The following TCTN1 variants were observed in gnomAD, a reference collection of about 807,000 sequenced individuals.
TCTN1 encodes the protein tectonic-1.
In TCTN1, 58 loss-of-function variants were observed where a neutral mutation model predicts 65.8. The observed-to-expected ratio is 0.88, with a 90% CI of 0.71 to 1.10. The LOEUF is 1.10. TCTN1 is among the 50% of genes least tolerant of loss of function. TCTN1 has a pLI of 0.00. For missense variants in TCTN1, 645 were observed against 719.4 expected, an observed-to-expected ratio of 0.90 and a Z score of 1.18; for synonymous variants, 273 against 289.1, an observed-to-expected ratio of 0.94 and a Z score of 0.57.
rs780494395 is a variant in TCTN1, at chr12:110,626,444, C to T, written c.424C>T (p.Leu142Phe). The change falls in exon 3 of 15, where the codon CTT becomes TTT. Residue 142 changes from leucine (L) to phenylalanine (F), a missense_variant. By Grantham distance (22) the Leu-to-Phe change is conservative. Coordinates refer to ENST00000397659, the MANE Select transcript of TCTN1 (RefSeq NM_001082538.3). ...AAACCCACCTCAAAGAGTATTTGAA[C>T]TTGTTGACCAGATTAATCCATCTAT... is the stretch of plus-strand genomic sequence containing the variant. Reference protein sequence around the residue: ...TANPPQRVFELVDQINPSIFC... With the variant: ...TANPPQRVFEFVDQINPSIFC... 1.1e-5 allele frequency: 17 copies of T among 1,611,840 alleles called. No homozygotes were observed. Among genetic ancestry groups the T allele is most frequent in the Non-Finnish European group, 1.4e-5 (17 of 1,178,724 alleles).
At chr12:110,623,293 G>C (rs1011658019) in intron 2 of TCTN1, among the ~76,000 whole-genome samples, 1 of 152,134 alleles carries the variant, frequency 6.6e-6, no homozygotes, top group African/African-American at 2.4e-5. Flanking sequence ...ACCCAGCCTT[G>C]GCCATTGCCG....
At chr12:110,617,833 G>T (rs959339471) in intron 1 of TCTN1, among the ~76,000 whole-genome samples, 2 of 151,684 alleles carry the variant, frequency 1.3e-5, no homozygotes, top group African/African-American at 4.8e-5. Context: ...TAGAGACGGG[G>T]TTTTACCATG....
At chr12:110,636,124 G>T in intron 6 of TCTN1, 1 of 265,074 alleles carries the variant, frequency 3.8e-6, no homozygotes, top group Non-Finnish European at 7.4e-6. Context: ...AGCAAGGACA[G>T]GTGCAGTGAG....
At chr12:110,617,191 A>C (rs940071619) in intron 1 of TCTN1, among the ~76,000 whole-genome samples, 2 of 152,170 alleles carry the variant, frequency 1.3e-5, no homozygotes, top group Non-Finnish European at 2.9e-5. Context: ...TTTACTAGGC[A>C]CATAGAAGAG....
At chr12:110,630,867 C>T (rs1045650773) in intron 4 of TCTN1, among the ~76,000 whole-genome samples, 1 of 152,182 alleles carries the variant, frequency 6.6e-6, no homozygotes, top group East Asian at 1.9e-4. Context: ...TCATGCACCC[C>T]CCTGGGAGGG....
At position 110,636,478 on chromosome 12, in the gene TCTN1, T is replaced by A. The variant is rs757410579; in HGVS notation, c.823-3T>A. The A allele has an allele frequency of 6.6e-6, 9 of 1,372,382 alleles. No homozygotes were observed. The Admixed American group carries it at 7.0e-5, about 11-fold the overall frequency. 85.0% of individuals were successfully genotyped at this position (1,372,382 alleles called of 1,614,324 possible). A position where few individuals can be genotyped will look rare whatever the true frequency, so the allele number is the denominator to read the frequency against. ...CAATTTTTTGTGGTTTCTTTTTATC[T>A]AGGTACCTGATTCAAGAAAAAAGGT... On this transcript the variant is annotated splice_region_variant and splice_polypyrimidine_tract_variant and intron_variant, in intron 6 of 14. Transcript: ENST00000397659.
Position 110,641,626 on chromosome 12 carries a change from G to A in TCTN1, c.1189G>A (p.Gly397Arg), listed in dbSNP as rs1417325310. The A allele has an allele frequency of 6.2e-7, 1 of 1,614,016 alleles. No homozygotes were observed. The highest frequency in any genetic ancestry group is 8.5e-7 in the Non-Finnish European group (1 of 1,179,852). ...PLAAGFQPHK[G>R]SGIIQTTNRY... ...AGCTGCTGGATTCCAGCCTCATAAG[G>A]GATATCCTTTTTGGTTCTGTAGAGG... Residue 397 changes from glycine (G) to arginine (R), a missense_variant and splice_region_variant, in exon 10 of 15, where the codon GGG (glycine) becomes AGG (arginine). Coordinates refer to ENST00000397659, the MANE Select transcript of TCTN1 (RefSeq NM_001082538.3).
intron 2 of TCTN1, among the ~76,000 whole-genome samples, chr12:110,622,713 G>C (rs1234578946): frequency 1.3e-5 from 2 of 152,102 alleles, no homozygotes. Context: ...AAAGAGATCA[G>C]GGGTCAGGTC....
At chr12:110,618,886 G>C (rs2065229385) in intron 1 of TCTN1, among the ~76,000 whole-genome samples, 1 of 151,932 alleles carries the variant, frequency 6.6e-6, no homozygotes, top group African/African-American at 2.4e-5. Flanking sequence ...ATGATTAAAA[G>C]TTGACCAGGA....
rs2066859422 is a variant in TCTN1, at chr12:110,640,226, C to T, written c.844-157C>T. On this transcript the variant is annotated intron_variant, in intron 7 of 14. Transcript: ENST00000397659. This position sits in a 1 kb window ranked among gnomAD's most constrained non-coding sequence, Gnocchi z 4.9. ...TTTGTGAATGTATATATGTTTATTA[C>T]TTTTGCAAATGTGGATCATAGTATA... is the stretch of plus-strand genomic sequence containing the variant. 5.9e-6 allele frequency: 5 copies of T among 849,178 alleles called. No individual in the cohort carries two copies. Among genetic ancestry groups the T allele is most frequent in the Non-Finnish European group, 9.5e-6 (5 of 524,314 alleles). The allele number at this position is 849,178 out of a possible 1,614,324, so 52.6% of individuals were successfully genotyped here.
At chr12:110,628,022 C>T in intron 3 of TCTN1, 1 of 1,534,982 alleles carries the variant, frequency 6.5e-7, no homozygotes, top group African/African-American at 1.4e-5. Flanking sequence ...AACATGCCAG[C>T]CTGCTTCCTT....
chr12:110,626,632 T>A, intron 3 of TCTN1, 140 bp downstream of exon 3: 16 of 860,596 alleles, frequency 1.9e-5, no homozygotes, highest in Non-Finnish European at 2.6e-5. Context: ...CAGGCTGGCG[T>A]GCAGTGGCGC....
At chr12:110,645,850 C>T (rs145089542) in intron 12 of TCTN1, 2 of 153,034 alleles carry the variant, frequency 1.3e-5, no homozygotes, top group African/African-American at 4.8e-5. Context: ...TCATTATCCG[C>T]TCCGAATATT....
At position 110,614,370 on chromosome 12, in the gene TCTN1, C is replaced by T. The variant is rs757132285; in HGVS notation, c.188C>T (p.Ser63Phe). The change falls in exon 1 of 15, where the codon TCC becomes TTC. Residue 63 changes from serine to phenylalanine, a missense_variant. Transcript: ENST00000397659. Reference sequence around the variant, plus strand: ...GGGACTCCCAGGGCTCCAGGGCCCTCCTCCGGCCCCAGGCCTACCCCAGTC... The same window carrying T: ...GGGACTCCCAGGGCTCCAGGGCCCTTCTCCGGCCCCAGGCCTACCCCAGTC... ...PPGTPRAPGP[S>F]SGPRPTPVTD... 1.9e-6 allele frequency: 3 copies of T among 1,605,212 alleles called. No individual in the cohort carries two copies. The highest frequency in any genetic ancestry group is 2.7e-5 in the African/African-American group (2 of 74,962).
chr12:110,634,528 AAAC>A, intron 5 of TCTN1, 139 bp from the exon 6 acceptor site: 1 of 731,942 alleles, frequency 1.4e-6, no homozygotes, highest in Non-Finnish European at 2.3e-6. Context: ...AAAACAAAAC[AAAC>A]AACAACAAAA....
At position 110,645,049 on chromosome 12, in the gene TCTN1, GC is replaced by G. The variant is rs757348545; in HGVS notation, c.1418del (p.Pro473LeufsTer42). The G allele has an allele frequency of 5.8e-5, 94 of 1,614,064 alleles. No individual in the cohort carries two copies. The highest frequency in any genetic ancestry group is 7.8e-5 in the Non-Finnish European group (92 of 1,180,030). On this transcript the variant is annotated frameshift_variant, in exon 12 of 15. Coordinates refer to ENST00000397659, the MANE Select transcript of TCTN1 (RefSeq NM_001082538.3). LOFTEE classifies it high-confidence loss of function. ...GGGCCAGGGCTTCCCAGATTACGTG[GC>G]CCCTTTTGGAAATTCCCAGGCCCAG... ...LWGQGFPDYVAPFGNSQAQDM... is the reference protein window; with the variant it reads ...LWGQGFPDYVXPFGNSQAQDM...
In TCTN1 at chr12:110,632,476, G is replaced by C. The variant is rs772332249; in HGVS notation, c.629G>C (p.Gly210Ala). 20 of 1,613,864 alleles carry C rather than the reference G, an allele frequency of 1.2e-5. No individual in the cohort carries two copies. Among genetic ancestry groups the C allele is most frequent in the South Asian group, 7.7e-5 (7 of 91,076 alleles). ...TGTTGGTTGTTGTGTTTGCAGTATG[G>C]GGTTCCTCTGCAGACTTCAGATTCG... ...DIPTAAKYEYGVPLQTSDSFL... is the reference protein window; with the variant it reads ...DIPTAAKYEYAVPLQTSDSFL... Residue 210 changes from glycine (G) to alanine (A), a missense_variant, in exon 5 of 15, where the codon GGG becomes GCG. By Grantham distance (60) the Gly-to-Ala change is moderately conservative. Transcript: ENST00000397659.
chr12:110,644,924 G>T lies in TCTN1; in HGVS notation c.1332-43G>T. ...AGAAAATGAAAAACTGCTGGTGGAT[G>T]AACAACAGCCTCATTCAGTTGACTT... On this transcript the variant is annotated intron_variant, in intron 11 of 14. Coordinates refer to ENST00000397659, the MANE Select transcript of TCTN1 (RefSeq NM_001082538.3). The surrounding 1 kb of genome is among the most constrained non-coding windows in gnomAD (Gnocchi z 4.6). 6.2e-7 allele frequency: 1 copy of T among 1,611,848 alleles called. No homozygotes were observed. Among genetic ancestry groups the T allele is most frequent in the Non-Finnish European group, 8.5e-7 (1 of 1,178,064 alleles).
chr12:110,621,115 T>C (rs929359764), intron 2 of TCTN1, among the ~76,000 whole-genome samples: 1 of 152,164 alleles, frequency 6.6e-6, no homozygotes, highest in African/African-American at 2.4e-5. Flanking sequence ...TCAAGGCTTT[T>C]TGAAAAACTA....
Sources: gnomAD v4.1 joint callset for allele counts (sites outside exome capture counted in the v4.1 genomes callset) on GRCh38, gnomAD v4.1.1 for gene constraint, Gnocchi (gnomAD v3.1) non-coding constraint, MANE v1.5 for transcripts, NCBI Gene and HGNC (gene_info 2026-07-23, HGNC 2026-07-21) for gene names.